Variants in PPP3CB observed in about 807,000 individuals in gnomAD.
PPP3CB encodes the protein protein phosphatase 3 catalytic subunit beta, also known as serine/threonine-protein phosphatase 2B catalytic subunit beta isoform.
A neutral mutation model predicts 66.4 loss-of-function variants in PPP3CB; 8 were observed. That is an observed-to-expected ratio of 0.12 (90% confidence interval 0.07 to 0.22). The LOEUF (loss-of-function observed/expected upper bound fraction) is 0.22. PPP3CB is among the 10% of genes least tolerant of loss of function. The probability of loss-of-function intolerance (pLI) is 1.00; values close to 1 mark genes in which losing one functional copy is unlikely to be tolerated. For missense variants in PPP3CB, 319 were observed against 642.5 expected (o/e 0.50, Z 5.44); for synonymous variants, 208 against 221.2 (o/e 0.94, Z 0.53).
chr10:73,489,145 T>C (rs1045465144), intron 1 of PPP3CB, among the ~76,000 whole-genome samples: 2 of 152,236 alleles, frequency 1.3e-5, no homozygotes. Context: ...CTGATTATTG[T>C]TTCCTAAAAA....
At chr10:73,491,954 C>A (rs1021613760) in intron 1 of PPP3CB, among the ~76,000 whole-genome samples, 2 of 150,964 alleles carry the variant, frequency 1.3e-5, no homozygotes, top group African/African-American at 4.9e-5. Context: ...GCAAGAAGAG[C>A]GAAACTCCAT....
At chr10:73,487,149 G>A (rs753719671) in intron 1 of PPP3CB, among the ~76,000 whole-genome samples, 4 of 151,778 alleles carry the variant, frequency 2.6e-5, no homozygotes, top group Admixed American at 6.6e-5. Context: ...CCGCCTGGGC[G>A]AGAGTGAGAC....
chr10:73,456,121 T>C (rs2056424130), intron 9 of PPP3CB, among the ~76,000 whole-genome samples: 2 of 152,202 alleles, frequency 1.3e-5, no homozygotes, highest in South Asian at 4.1e-4. Flanking sequence ...CACCTAGAAA[T>C]GAACATATCC....
chr10:73,455,162 C>T (rs2056405821), intron 9 of PPP3CB, among the ~76,000 whole-genome samples: 2 of 152,242 alleles, frequency 1.3e-5, no homozygotes, highest in Admixed American at 6.5e-5. Context: ...GGATTACAGG[C>T]GTAGGCCACT....
At chr10:73,451,207 AAAAG>A (rs1178197693) in intron 10 of PPP3CB, among the ~76,000 whole-genome samples, 2 of 152,020 alleles carry the variant, frequency 1.3e-5, no homozygotes, top group Admixed American at 6.5e-5. Flanking sequence ...TTTAAAGAAT[AAAAG>A]AAAGGTAAAA....
At chr10:73,461,294 A>G (rs938011878) in intron 9 of PPP3CB, among the ~76,000 whole-genome samples, 2 of 152,088 alleles carry the variant, frequency 1.3e-5, no homozygotes, top group Non-Finnish European at 2.9e-5. Flanking sequence ...TAAAAATACA[A>G]AAATTAGCCA....
In PPP3CB at chr10:73,493,653, T is replaced by C. The variant is rs141410853; in HGVS notation, c.85+2152A>G. ...ACACCATTTTAAAACATATAATCCA[T>C]ACAGGAATTCCAACTGGTTAACAAA... On this transcript the variant is annotated intron_variant, in intron 1 of 13. Transcript: ENST00000360663. Among the ~76,000 whole-genome samples, 1,314 of 152,302 alleles carry C rather than the reference T, an allele frequency of 8.6e-3. 12 individuals are homozygous for C. Among genetic ancestry groups the C allele is most frequent in the Non-Finnish European group, 0.013 (872 of 68,024 alleles).
At chr10:73,452,394 T>A (rs143288919) in intron 10 of PPP3CB, among the ~76,000 whole-genome samples, 4 of 152,012 alleles carry the variant, frequency 2.6e-5, no homozygotes, top group Non-Finnish European at 5.9e-5. Flanking sequence ...AAACAAAATA[T>A]CTATTTGAAA....
At chr10:73,487,564 C>CAAAAAAAAAAAAAAAAAAAAAAAACA (rs746889105) in intron 1 of PPP3CB, among the ~76,000 whole-genome samples, 1 of 65,216 alleles carries the variant, frequency 1.5e-5, no homozygotes, top group African/African-American at 6.1e-5. Context: ...AAACCAAAAC[C>CAAAAAAAAAAAAAAAAAAAAAAAACA]AAAAAAAAAA....
intron 1 of PPP3CB, among the ~76,000 whole-genome samples, chr10:73,485,468 G>A (rs1402679023): frequency 2.0e-5 from 3 of 152,086 alleles, no homozygotes; most frequent in Admixed American, 1.3e-4. Flanking sequence ...TGACTTCAAC[G>A]GGGGTACAGT....
At chr10:73,495,729 G>A (rs1374358575) in intron 1 of PPP3CB, 76 bp downstream of exon 1, 14 of 1,514,596 alleles carry the variant, frequency 9.2e-6, no homozygotes, top group African/African-American at 1.5e-5. Context: ...CCACTCCCGA[G>A]GGGACGGTCT....
chr10:73,454,388 A>T, intron 10 of PPP3CB, 24 bp downstream of exon 10: 1 of 1,579,684 alleles, frequency 6.3e-7, no homozygotes, highest in Non-Finnish European at 8.7e-7. Flanking sequence ...GTAAAAAAAA[A>T]AATAGTAAGA....
At chr10:73,464,708 G>A (rs1338061238) in intron 9 of PPP3CB, among the ~76,000 whole-genome samples, 1 of 152,134 alleles carries the variant, frequency 6.6e-6, no homozygotes, top group African/African-American at 2.4e-5. Context: ...GAGGCAAACA[G>A]AGCCCTTGAG....
At chr10:73,440,010 T>C (rs1589679517) in intron 12 of PPP3CB, 109 bp from the exon 13 acceptor site, 1 of 1,115,156 alleles carries the variant, frequency 9.0e-7, no homozygotes, top group East Asian at 2.4e-5. Context: ...TATCCCATAC[T>C]ACATCATCAT....
At chr10:73,466,367 C>T (rs2056617980) in intron 9 of PPP3CB, among the ~76,000 whole-genome samples, 1 of 152,132 alleles carries the variant, frequency 6.6e-6, no homozygotes, top group East Asian at 1.9e-4. Flanking sequence ...CATTTTCCTC[C>T]TACCTTATCT....
intron 1 of PPP3CB, among the ~76,000 whole-genome samples, chr10:73,487,564 CAAAAAAAAA>C (rs746889105): frequency 1.5e-5 from 1 of 65,218 alleles, no homozygotes; most frequent in Non-Finnish European, 3.0e-5. Flanking sequence ...AAACCAAAAC[CAAAAAAAAA>C]AAAAAAAAAA....
intron 3 of PPP3CB, among the ~76,000 whole-genome samples, chr10:73,476,961 G>C (rs1432869964): frequency 1.3e-5 from 2 of 152,154 alleles, no homozygotes; most frequent in Non-Finnish European, 2.9e-5. Flanking sequence ...CACTGGAGAA[G>C]GAGATATAAA....
At chr10:73,478,188 G>T (rs1201933346) in intron 3 of PPP3CB, among the ~76,000 whole-genome samples, 1 of 152,078 alleles carries the variant, frequency 6.6e-6, no homozygotes, top group Non-Finnish European at 1.5e-5. Flanking sequence ...TGCCTTTAGG[G>T]GCAAGAGAGA....
In PPP3CB at chr10:73,457,260, G is replaced by GAAA. The variant is rs35129439; in HGVS notation, c.1109-2774_1109-2772dup. Reference sequence around the variant, plus strand: ...ACACAAAGATCCCATCTCTAAAAAAGAAAAAAAAAAAAAAAAAAAAAAAAA... The same window carrying GAAA: ...ACACAAAGATCCCATCTCTAAAAAAGAAAAAAAAAAAAAAAAAAAAAAAAAAAA... On this transcript the variant is annotated intron_variant, in intron 9 of 13. Transcript: ENST00000360663. Among the ~76,000 whole-genome samples, 47 of 69,028 alleles carry GAAA rather than the reference G, an allele frequency of 6.8e-4. 1 individual carries two copies. The highest frequency in any genetic ancestry group is 1.8e-3 in the East Asian group (4 of 2,220). The allele number at this position is 69,028 out of a possible 152,430, so 45.3% of individuals were successfully genotyped here.
Sources: allele counts gnomAD v4.1 joint callset (sites outside exome capture counted in the v4.1 genomes callset), GRCh38; gene constraint gnomAD v4.1.1; transcripts MANE v1.5; gene names NCBI Gene and HGNC (gene_info 2026-07-23, HGNC 2026-07-21).